VAV3: variants seen among roughly 807,000 people sequenced by gnomAD.
VAV3 encodes guanine nucleotide exchange factor VAV3.
Under a neutral mutation model 131.2 loss-of-function variants are expected in VAV3, and 94 were observed. The ratio of observed to expected loss-of-function variants is 0.72; its 90% CI spans 0.61 to 0.85. The LOEUF (loss-of-function observed/expected upper bound fraction) is 0.85, where lower values mean the gene tolerates loss of function less well. Among genes scored for constraint, VAV3 ranks in the 40% least tolerant of loss-of-function variants. VAV3 has a pLI of 0.00. For missense variants in VAV3, 939 were observed against 1,002.7 expected (o/e 0.94, Z 0.86); for synonymous variants, 349 against 342.0 (o/e 1.02, Z -0.22).
intron 22 of VAV3, among the ~76,000 whole-genome samples, chr1:107,609,138 GAAGA>G (rs1399685548): frequency 1.3e-5 from 2 of 151,986 alleles, no homozygotes; most frequent in African/African-American, 4.8e-5. Flanking sequence ...TATAAATGTT[GAAGA>G]AATAAAACAA....
chr1:107,755,336 T>C (rs1479009096), intron 12 of VAV3, 91 bp downstream of exon 12: 2 of 1,010,302 alleles, frequency 2.0e-6, no homozygotes, highest in African/African-American at 3.2e-5. Context: ...AGTAGAAACT[T>C]GAAGGTAAAC....
intron 2 of VAV3, among the ~76,000 whole-genome samples, chr1:107,866,617 G>C (rs575039617): frequency 6.6e-6 from 1 of 151,722 alleles, no homozygotes; most frequent in Admixed American, 6.6e-5. Context: ...AGGAGTTCAA[G>C]CAAGACCAGC....
chr1:107,946,982 G>A (rs1313223639), intron 1 of VAV3, among the ~76,000 whole-genome samples: 1 of 152,232 alleles, frequency 6.6e-6, no homozygotes, highest in African/African-American at 2.4e-5. Context: ...CTACAGCACA[G>A]ACAGTGGTGT....
chr1:107,662,654 G>A (rs577214539), intron 19 of VAV3, among the ~76,000 whole-genome samples: 1 of 152,332 alleles, frequency 6.6e-6, no homozygotes, highest in African/African-American at 2.4e-5. Context: ...GACAGGTTAT[G>A]TGCTGACGTT....
chr1:107,721,539 G>A (rs181743575), intron 15 of VAV3, among the ~76,000 whole-genome samples: 3 of 152,292 alleles, frequency 2.0e-5, no homozygotes, highest in Non-Finnish European at 1.5e-5. Flanking sequence ...GCTTGTAGAG[G>A]CAGCAGAGAA....
chr1:107,867,018 G>A (rs1225874326), intron 2 of VAV3, among the ~76,000 whole-genome samples: 6 of 151,990 alleles, frequency 3.9e-5, no homozygotes, highest in East Asian at 1.9e-4. Context: ...CTAATATCAT[G>A]TGCAAATATG....
intron 3 of VAV3, among the ~76,000 whole-genome samples, 195 bp downstream of exon 3, chr1:107,779,239 T>C (rs919419063): frequency 6.6e-6 from 1 of 152,050 alleles, no homozygotes; most frequent in Admixed American, 6.5e-5. Context: ...TTAGCCAATG[T>C]GTTATTCAAC....
chr1:107,701,643 G>C (rs1477733573), intron 17 of VAV3, among the ~76,000 whole-genome samples: 3 of 152,150 alleles, frequency 2.0e-5, no homozygotes, highest in Non-Finnish European at 4.4e-5. Flanking sequence ...GCATCATCAG[G>C]CTGCAAATTC....
chr1:107,958,389 T>C (rs76554699), intron 1 of VAV3, among the ~76,000 whole-genome samples: 5,778 of 152,246 alleles, frequency 0.038, 270 homozygotes, highest in African/African-American at 0.11. Context: ...TGTATGGTTG[T>C]GTACAGCAGA....
At position 107,637,939 on chromosome 1, in the gene VAV3, G is replaced by A. The variant is rs569805616; in HGVS notation, c.1914+4680C>T. Among the ~76,000 whole-genome samples, 93 of 152,142 alleles carry A rather than the reference G, an allele frequency of 6.1e-4. 1 individual carries two copies. Among genetic ancestry groups the A allele is most frequent in the African/African-American group, 2.0e-3 (82 of 41,520 alleles). Reference sequence around the variant, plus strand: ...TTAACATATGAAAGTCAAATTTGCCGCATTAATAAAAACAAAAATTATATC... The same window carrying A: ...TTAACATATGAAAGTCAAATTTGCCACATTAATAAAAACAAAAATTATATC... On this transcript the variant is annotated intron_variant, in intron 20 of 26. Transcript: ENST00000370056.
Position 107,739,417 on chromosome 1 carries a change from C to G in VAV3, c.1502+9551G>C, listed in dbSNP as rs140416425. ...AGTATAGTTCCCTATCCTGACTTAA[C>G]TGCCAATTTTGAAAGGTTATAGACA... On this transcript the variant is annotated intron_variant, in intron 15 of 26. Transcript: ENST00000370056. Among the ~76,000 whole-genome samples the G allele has an allele frequency of 2.1e-3, 319 of 152,240 alleles. 4 individuals are homozygous for G. The highest frequency in any genetic ancestry group is 3.5e-3 in the East Asian group (18 of 5,180).
chr1:107,708,592 C>T, intron 15 of VAV3, among the ~76,000 whole-genome samples: 1 of 152,116 alleles, frequency 6.6e-6, no homozygotes, highest in Non-Finnish European at 1.5e-5. Context: ...CCATCACAGG[C>T]CTTAAGTTGA....
chr1:107,577,341 G>A (rs889318966), intron 25 of VAV3, among the ~76,000 whole-genome samples: 5 of 152,190 alleles, frequency 3.3e-5, no homozygotes, highest in South Asian at 2.1e-4. Context: ...AGGCACCTCC[G>A]CAGGCAGCTA....
At chr1:107,957,501 A>G (rs1674875772) in intron 1 of VAV3, among the ~76,000 whole-genome samples, 2 of 152,196 alleles carry the variant, frequency 1.3e-5, no homozygotes, top group East Asian at 1.9e-4. Context: ...GTCAGTATGA[A>G]TTTGGGATCC....
At chr1:107,847,432 A>G (rs1239456352) in intron 2 of VAV3, among the ~76,000 whole-genome samples, 1 of 152,072 alleles carries the variant, frequency 6.6e-6, no homozygotes, top group Non-Finnish European at 1.5e-5. Flanking sequence ...CAGAGCAGAA[A>G]TGAAGGAGAT....
intron 2 of VAV3, among the ~76,000 whole-genome samples, chr1:107,847,913 A>G (rs1004688078): frequency 4.6e-5 from 7 of 152,208 alleles, no homozygotes; most frequent in Admixed American, 2.6e-4. Context: ...CTCCTAACTC[A>G]TTTTGAGGCC....
At chr1:107,850,931 C>G (rs1174487543) in intron 2 of VAV3, among the ~76,000 whole-genome samples, 1 of 151,890 alleles carries the variant, frequency 6.6e-6, no homozygotes, top group Non-Finnish European at 1.5e-5. Context: ...GTAAGTGTGC[C>G]CTTGGCATTG....
intron 2 of VAV3, among the ~76,000 whole-genome samples, chr1:107,788,645 C>G (rs947472692): frequency 6.6e-6 from 1 of 152,264 alleles, no homozygotes; most frequent in Admixed American, 6.5e-5. Context: ...GTAGATAAAA[C>G]CTGGAACTCA....
At chr1:107,696,067 T>G (rs1659725221) in intron 17 of VAV3, among the ~76,000 whole-genome samples, 1 of 152,204 alleles carries the variant, frequency 6.6e-6, no homozygotes, top group South Asian at 2.1e-4. Flanking sequence ...TTTTAAAATG[T>G]TTTGTCCTGC....
Sources: gnomAD v4.1 joint callset for allele counts (sites outside exome capture counted in the v4.1 genomes callset) on GRCh38, gnomAD v4.1.1 for gene constraint, MANE v1.5 for transcripts, NCBI Gene and HGNC (gene_info 2026-07-23, HGNC 2026-07-21) for gene names.